Variants in GNAL observed in about 807,000 individuals in gnomAD.
GNAL encodes G protein subunit alpha L.
A neutral mutation model predicts 55.1 loss-of-function variants in GNAL; 18 were observed. That is an observed-to-expected ratio of 0.33 (90% CI 0.23 to 0.48). GNAL has a LOEUF of 0.48. Ranked by LOEUF, GNAL falls within the 20% of genes least tolerant of loss-of-function variation. The pLI is 0.99. For missense variants in GNAL, 412 were observed against 614.1 expected (o/e 0.67, Z 3.48); for synonymous variants, 253 against 237.0 (o/e 1.07, Z -0.62).
At chr18:11,693,854 T>A (rs2031329587) in intron 1 of GNAL, among the ~76,000 whole-genome samples, 1 of 142,820 alleles carries the variant, frequency 7.0e-6, no homozygotes, top group Non-Finnish European at 1.5e-5. Flanking sequence ...ATGTCGCTAT[T>A]TTTTTTTTTT....
intron 4 of GNAL, among the ~76,000 whole-genome samples, chr18:11,812,552 A>G (rs2034843088): frequency 6.6e-6 from 1 of 152,252 alleles, no homozygotes; most frequent in Non-Finnish European, 1.5e-5. Flanking sequence ...AACATTAAAA[A>G]TGACATTCAG....
chr18:11,885,353 G>A lies in GNAL; in HGVS notation c.*4218G>A, dbSNP rs778395846. 9.5e-6 allele frequency: 3 copies of A among 317,346 alleles called. No individual in the cohort carries two copies. The highest frequency in any genetic ancestry group is 1.8e-5 in the Non-Finnish European group (3 of 168,566). 19.7% of individuals were successfully genotyped at this position (317,346 alleles called of 1,614,324 possible). On this transcript the variant is annotated 3_prime_UTR_variant, in exon 12 of 12. Coordinates refer to ENST00000334049, the MANE Select transcript of GNAL (RefSeq NM_182978.4). ...AAATAAGAGAAGATGGCTGAGTATA[G>A]CTAATGAATAAATGGTTGTTTCTTT...
At chr18:11,694,805 G>A (rs984188380) in intron 1 of GNAL, among the ~76,000 whole-genome samples, 1 of 152,168 alleles carries the variant, frequency 6.6e-6, no homozygotes, top group Non-Finnish European at 1.5e-5. Context: ...TCTGGAGGTT[G>A]GAAGTCTAAG....
chr18:11,744,420 T>C (rs749834863), intron 1 of GNAL, among the ~76,000 whole-genome samples: 8 of 152,208 alleles, frequency 5.3e-5, no homozygotes, highest in Non-Finnish European at 1.2e-4. Flanking sequence ...TTTATCATGA[T>C]GTTTTTTAAG....
At chr18:11,769,031 T>TATATATA (rs548762476) in intron 4 of GNAL, among the ~76,000 whole-genome samples, 1 of 88,736 alleles carries the variant, frequency 1.1e-5, no homozygotes, top group Non-Finnish European at 1.9e-5. Flanking sequence ...TATAATATAT[T>TATATATA]ATATATAATA....
chr18:11,719,879 C>T (rs1180512797), intron 1 of GNAL, among the ~76,000 whole-genome samples: 2 of 152,246 alleles, frequency 1.3e-5, no homozygotes, highest in Non-Finnish European at 2.9e-5. Context: ...ACATTTATAG[C>T]AGCATGTGTG....
At chr18:11,731,339 G>T (rs2032335330) in intron 1 of GNAL, among the ~76,000 whole-genome samples, 2 of 152,190 alleles carry the variant, frequency 1.3e-5, no homozygotes, top group Admixed American at 6.5e-5. Flanking sequence ...GTAGAGACGG[G>T]GTTTCTCCAT....
intron 4 of GNAL, among the ~76,000 whole-genome samples, chr18:11,810,126 C>T (rs923167349): frequency 3.9e-5 from 6 of 152,232 alleles, no homozygotes; most frequent in African/African-American, 1.4e-4. Context: ...CAGGGCGGCT[C>T]ACGCCTATAA....
At chr18:11,846,723 T>G (rs185089726) in intron 5 of GNAL, among the ~76,000 whole-genome samples, 1 of 151,878 alleles carries the variant, frequency 6.6e-6, no homozygotes, top group East Asian at 1.9e-4. Flanking sequence ...ACTTTGGTTT[T>G]GTTTTGTTGT....
chr18:11,852,313 A>C, intron 5 of GNAL: 1 of 602,304 alleles, frequency 1.7e-6, no homozygotes, highest in Non-Finnish European at 2.9e-6. Context: ...AGTTCTGTAT[A>C]GCTCGTAATG....
intron 4 of GNAL, among the ~76,000 whole-genome samples, chr18:11,772,501 T>C (rs1352517441): frequency 6.6e-6 from 1 of 152,190 alleles, no homozygotes; most frequent in African/African-American, 2.4e-5. Flanking sequence ...TCCATTGTGT[T>C]TTGACCAAGC....
At chr18:11,702,888 C>T (rs190150476) in intron 1 of GNAL, among the ~76,000 whole-genome samples, 179 of 151,736 alleles carry the variant, frequency 1.2e-3, no homozygotes, top group African/African-American at 4.2e-3. Context: ...GAGGCTGAGG[C>T]GGGTAGATCA....
At chr18:11,843,485 A>G (rs1598422252) in intron 5 of GNAL, among the ~76,000 whole-genome samples, 1 of 152,130 alleles carries the variant, frequency 6.6e-6, no homozygotes, top group African/African-American at 2.4e-5. Context: ...AGATCGCACC[A>G]CTGCACTCCA....
chr18:11,706,609 C>T (rs2031719577), intron 1 of GNAL, among the ~76,000 whole-genome samples: 1 of 152,176 alleles, frequency 6.6e-6, no homozygotes, highest in Non-Finnish European at 1.5e-5. Flanking sequence ...GGTCAGTCCT[C>T]TCAAACATGC....
chr18:11,695,926 A>ACG (rs1567988375), intron 1 of GNAL, among the ~76,000 whole-genome samples: 18,572 of 143,686 alleles, frequency 0.13, 1,262 homozygotes, highest in Middle Eastern at 0.17. Context: ...ACGCATGCAC[A>ACG]CACACACACA....
intron 4 of GNAL, among the ~76,000 whole-genome samples, chr18:11,818,090 G>A (rs373777674): frequency 1.3e-5 from 2 of 151,778 alleles, no homozygotes; most frequent in East Asian, 3.9e-4. Context: ...AAAATTAGCC[G>A]GGTGTGGTGG....
intron 1 of GNAL, among the ~76,000 whole-genome samples, chr18:11,739,586 C>T (rs1021256816): frequency 2.6e-5 from 4 of 152,102 alleles, no homozygotes; most frequent in African/African-American, 9.7e-5. Flanking sequence ...GGTATTGCAT[C>T]GCTCCTTAGC....
At chr18:11,852,018 G>T (rs766582558) in intron 5 of GNAL, 61 of 1,613,650 alleles carry the variant, frequency 3.8e-5, no homozygotes, top group Admixed American at 6.7e-5. Flanking sequence ...TGGAGCTGCC[G>T]CAGGGCCAGA....
intron 1 of GNAL, chr18:11,746,391 C>G: frequency 3.7e-6 from 1 of 273,170 alleles, no homozygotes; most frequent in South Asian, 4.0e-5. Flanking sequence ...GGAAGGATCA[C>G]TTGAGTCCAG....
Sources: allele counts gnomAD v4.1 joint callset (sites outside exome capture counted in the v4.1 genomes callset), GRCh38; gene constraint gnomAD v4.1.1; transcripts MANE v1.5; gene names NCBI Gene and HGNC (gene_info 2026-07-23, HGNC 2026-07-21).